Variants in DAGLA observed in about 807,000 individuals in gnomAD.
DAGLA encodes diacylglycerol lipase-alpha.
A neutral mutation model predicts 102.6 loss-of-function variants in DAGLA; 22 were observed. The observed-to-expected ratio is 0.21, with a 90% CI of 0.15 to 0.31. The LOEUF (loss-of-function observed/expected upper bound fraction) is 0.31, where lower values mean the gene tolerates loss of function less well. Among genes scored for constraint, DAGLA ranks in the 10% least tolerant of loss-of-function variants. DAGLA has a pLI of 1.00. For synonymous variants in DAGLA, 578 were observed against 628.9 expected, an observed-to-expected ratio of 0.92 and a Z score of 1.21; for missense variants, 927 against 1,446.6, an observed-to-expected ratio of 0.64 and a Z score of 5.83.
chr11:61,718,730 G>C (rs1174066549), intron 1 of DAGLA, among the ~76,000 whole-genome samples: 1 of 152,154 alleles, frequency 6.6e-6, no homozygotes, highest in Non-Finnish European at 1.5e-5. Flanking sequence ...AGGGTGGGGG[G>C]AGGAGTAGGC....
chr11:61,701,352 G>A (rs1041296377), intron 1 of DAGLA, among the ~76,000 whole-genome samples: 1 of 152,158 alleles, frequency 6.6e-6, no homozygotes, highest in African/African-American at 2.4e-5. Flanking sequence ...CAGCCTCTCC[G>A]CTGCCAGGCC....
chr11:61,711,772 CCTGGTGAAGCCTT>C (rs1331842580), intron 1 of DAGLA, among the ~76,000 whole-genome samples: 5 of 152,246 alleles, frequency 3.3e-5, no homozygotes, highest in African/African-American at 1.2e-4. Flanking sequence ...TAAATGGAGC[CCTGGTGAAGCCTT>C]CTGGGGAGAG....
chr11:61,731,206 C>A (rs527961479), intron 8 of DAGLA, 111 bp from the exon 9 acceptor site: 10 of 1,375,848 alleles, frequency 7.3e-6, no homozygotes, highest in African/African-American at 1.4e-5. Flanking sequence ...ACCAGCAACC[C>A]CTCCCTGCCA....
Position 61,723,000 on chromosome 11 carries a change from G to A in DAGLA, c.409+40G>A, listed in dbSNP as rs200300429. 7.1e-4 allele frequency: 1,036 copies of A among 1,468,174 alleles called. 1 individual carries two copies. Among genetic ancestry groups the A allele is most frequent in the Non-Finnish European group, 8.4e-4 (880 of 1,047,586 alleles). 90.9% of individuals were successfully genotyped at this position (1,468,174 alleles called of 1,614,324 possible). On this transcript the variant is annotated intron_variant, in intron 4 of 19. Coordinates refer to ENST00000257215, the MANE Select transcript of DAGLA (RefSeq NM_006133.3). ...GGCCTGCTGGAGCCTCAGCAGCCCC[G>A]GGGGCACAGGGGACGAGATCAGTTT... is the stretch of plus-strand genomic sequence containing the variant.
chr11:61,724,657 AC>A (rs2065309762), intron 5 of DAGLA, among the ~76,000 whole-genome samples: 1 of 151,962 alleles, frequency 6.6e-6, no homozygotes, highest in Non-Finnish European at 1.5e-5. Flanking sequence ...CCAGAGCCAC[AC>A]CCGTGCCTGC....
At chr11:61,691,741 G>A (rs949455976) in intron 1 of DAGLA, among the ~76,000 whole-genome samples, 1 of 152,236 alleles carries the variant, frequency 6.6e-6, no homozygotes. Flanking sequence ...GAAACCGCAG[G>A]GGGTGTTGGG....
intron 19 of DAGLA, among the ~76,000 whole-genome samples, chr11:61,742,002 C>A (rs1396191179): frequency 2.0e-5 from 3 of 152,326 alleles, no homozygotes; most frequent in Non-Finnish European, 1.5e-5. Flanking sequence ...CATACATGTG[C>A]ACACAATTAT....
chr11:61,722,370 G>A (rs2065291579), intron 3 of DAGLA, among the ~76,000 whole-genome samples: 1 of 152,150 alleles, frequency 6.6e-6, no homozygotes, highest in South Asian at 2.1e-4. Flanking sequence ...TGGACCACTT[G>A]AGGTCAGGAG....
intron 5 of DAGLA, among the ~76,000 whole-genome samples, chr11:61,725,691 T>C (rs952294768): frequency 1.3e-5 from 2 of 152,118 alleles, no homozygotes; most frequent in African/African-American, 2.4e-5. Flanking sequence ...GTGTTCAGTC[T>C]TCCAAAAGCC....
chr11:61,706,810 C>A (rs1293114328), intron 1 of DAGLA, among the ~76,000 whole-genome samples: 1 of 152,230 alleles, frequency 6.6e-6, no homozygotes, highest in Non-Finnish European at 1.5e-5. Context: ...ATTGCCTCCC[C>A]AAACCCTGGA....
intron 1 of DAGLA, among the ~76,000 whole-genome samples, chr11:61,709,608 C>T (rs2065177264): frequency 6.6e-6 from 1 of 152,184 alleles, no homozygotes; most frequent in African/African-American, 2.4e-5. Flanking sequence ...TGAGATCCCC[C>T]TCATTGAGCA....
chr11:61,707,681 A>T (rs1419907609), intron 1 of DAGLA, among the ~76,000 whole-genome samples: 1 of 152,252 alleles, frequency 6.6e-6, no homozygotes, highest in Non-Finnish European at 1.5e-5. Context: ...CAGGCCTCGC[A>T]GGCTGTGGAG....
intron 1 of DAGLA, among the ~76,000 whole-genome samples, chr11:61,694,084 C>G (rs1310197886): frequency 6.6e-6 from 1 of 152,238 alleles, no homozygotes; most frequent in Non-Finnish European, 1.5e-5. Flanking sequence ...GGAAGGCAGC[C>G]AAGGATGGGG....
chr11:61,710,352 AG>A (rs2065184535), intron 1 of DAGLA, among the ~76,000 whole-genome samples: 1 of 148,328 alleles, frequency 6.7e-6, no homozygotes, highest in South Asian at 2.2e-4. Flanking sequence ...GCTTAAAGGG[AG>A]GGGGGACCGC....
rs1274308307 is a variant in DAGLA at position 61,693,001 on chromosome 11, C to CT, written c.-45+12502dup. 2.0e-5 allele frequency among the ~76,000 whole-genome samples: 3 copies of CT among 150,772 alleles called. No homozygotes were observed. In the East Asian group the frequency reaches 5.8e-4, roughly 29 times the overall value. The stretch of plus-strand genomic sequence containing the variant: ...GATCATGGGTGATTTATATTTTCTT[C>CT]TTTTTGGTTTCTATTTTTTTTTTTT... On this transcript the variant is annotated intron_variant, in intron 1 of 19. Transcript: ENST00000257215.
chr11:61,726,707 G>A (rs2065330186), intron 6 of DAGLA, among the ~76,000 whole-genome samples: 1 of 152,232 alleles, frequency 6.6e-6, no homozygotes, highest in African/African-American at 2.4e-5. Flanking sequence ...GAGGTGGAGT[G>A]ACTTGCTCAG....
intron 1 of DAGLA, among the ~76,000 whole-genome samples, chr11:61,719,860 C>T (rs573016482): frequency 3.3e-5 from 5 of 152,158 alleles, no homozygotes; most frequent in East Asian, 1.9e-4. Context: ...AGGTAGAAGC[C>T]GATCCCTAGT....
Position 61,686,007 on chromosome 11 carries a change from T to C in DAGLA, c.-45+5503T>C, listed in dbSNP as rs1024432509. 1.3e-5 allele frequency among the ~76,000 whole-genome samples: 2 copies of C among 152,100 alleles called. No individual in the cohort carries two copies. Among genetic ancestry groups the C allele is most frequent in the African/African-American group, 4.8e-5 (2 of 41,428 alleles). Reference sequence around the variant, plus strand: ...GAACGCATGGGCATTCACTGAAGTGTTCTGAGCAAGGGTTTGGAGGCTGGT... The same window carrying C: ...GAACGCATGGGCATTCACTGAAGTGCTCTGAGCAAGGGTTTGGAGGCTGGT... On this transcript the variant is annotated intron_variant, in intron 1 of 19. Transcript: ENST00000257215. The surrounding 1 kb of genome is among the most constrained non-coding windows in gnomAD (Gnocchi z 5.2).
intron 15 of DAGLA, 118 bp from the exon 16 acceptor site, chr11:61,738,017 C>G: frequency 1.2e-6 from 1 of 815,634 alleles, no homozygotes. Flanking sequence ...GTGACCCTGG[C>G]TGACGTGTCT....
Sources: gnomAD v4.1 joint callset for allele counts (sites outside exome capture counted in the v4.1 genomes callset) on GRCh38, gnomAD v4.1.1 for gene constraint, Gnocchi (gnomAD v3.1) non-coding constraint, MANE v1.5 for transcripts, NCBI Gene and HGNC (gene_info 2026-07-23, HGNC 2026-07-21) for gene names.